PIGT: variants seen among roughly 807,000 people sequenced by gnomAD.
PIGT encodes the protein phosphatidylinositol glycan anchor biosynthesis class T, also known as GPI-anchor transamidase component PIGT.
A neutral mutation model predicts 66.7 loss-of-function variants in PIGT; 57 were observed. That is an observed-to-expected ratio of 0.86 (90% CI 0.69 to 1.07). The LOEUF (loss-of-function observed/expected upper bound fraction) is 1.07. Among genes scored for constraint, PIGT ranks in the 50% least tolerant of loss-of-function variants. The pLI is 0.00. For missense variants in PIGT, 725 were observed against 740.4 expected (o/e 0.98, Z 0.24); for synonymous variants, 362 against 320.5 (o/e 1.13, Z -1.38).
intron 3 of PIGT, 152 bp downstream of exon 3, chr20:45,419,131 C>A: frequency 1.8e-6 from 2 of 1,129,060 alleles, no homozygotes; most frequent in Non-Finnish European, 2.6e-6. Context: ...TCTCTGCATG[C>A]CTTTTCCCAA....
intron 8 of PIGT, 174 bp from the exon 9 acceptor site, chr20:45,421,209 C>G (rs1990341434): frequency 3.3e-6 from 2 of 612,054 alleles, no homozygotes; most frequent in Non-Finnish European, 2.9e-6. Flanking sequence ...GTCATCATCG[C>G]TTGTTGGCTG....
At chr20:45,422,396 C>A (rs6032172) in intron 9 of PIGT, 58,469 of 151,590 alleles carry the variant, frequency 0.39, 13,066 homozygotes, top group Non-Finnish European at 0.49. Context: ...AAATTTCAAA[C>A]CCAAACCCAA....
intron 9 of PIGT, chr20:45,423,982 A>G: frequency 1.8e-6 from 1 of 546,102 alleles, no homozygotes; most frequent in South Asian, 2.3e-5. Context: ...AAGATTGATT[A>G]GCCATCTGCA....
rs758913061 is a variant in PIGT, at chr20:45,421,573, G to A, written c.1224G>A (p.Glu408=). 6.2e-7 allele frequency: 1 copy of A among 1,614,074 alleles called. No homozygotes were observed. The highest frequency in any genetic ancestry group is 1.1e-5 in the South Asian group (1 of 91,084). ...HTLTITSKGK[E]NKPSYIHYQP... ...TCACCATCACCTCCAAGGGCAAGGA[G>A]AACAAACCAAGTGAGGACCTGAGTC... Residue 408 remains glutamate, a synonymous_variant, in exon 9 of 12, where the codon GAG becomes GAA. Transcript: ENST00000279036.
intron 1 of PIGT, 61 bp downstream of exon 1, chr20:45,416,404 T>C: frequency 6.4e-7 from 1 of 1,552,060 alleles, no homozygotes; most frequent in Non-Finnish European, 8.7e-7. Flanking sequence ...TGGCCGGCCG[T>C]GGGATGAAGG....
chr20:45,419,510 C>T lies in PIGT; in HGVS notation c.601C>T (p.Leu201Phe). Residue 201 changes from leucine (L) to phenylalanine (F), a missense_variant, in exon 5 of 12, where the codon CTC becomes TTC. By Grantham distance (22) the Leu-to-Phe change is conservative (BLOSUM62 0). Transcript: ENST00000279036. ...KLLPCSSKAG[L>F]SVLLKADRLF... ...CTCTTTCCATCTCCTCCAGGCAGGC[C>T]TCTCTGTGCTGCTGAAGGCAGATCG... The T allele has an allele frequency of 6.2e-7, 1 of 1,614,198 alleles. No individual in the cohort carries two copies. The highest frequency in any genetic ancestry group is 8.5e-7 in the Non-Finnish European group (1 of 1,180,002).
chr20:45,424,593 C>T lies in PIGT; in HGVS notation c.1484+14C>T. ...CTTCAACAGCCTGTAAGTGTGACCACACTCACTGATAACACATCCTCAGCT... is the reference window on the plus strand; with the variant it reads ...CTTCAACAGCCTGTAAGTGTGACCATACTCACTGATAACACATCCTCAGCT... On this transcript the variant is annotated intron_variant, in intron 11 of 11. Coordinates refer to ENST00000279036, the MANE Select transcript of PIGT (RefSeq NM_015937.6). The T allele has an allele frequency of 1.2e-6, 2 of 1,606,074 alleles. No homozygotes were observed. Among genetic ancestry groups the T allele is most frequent in the Non-Finnish European group, 1.7e-6 (2 of 1,172,644 alleles).
In PIGT at chr20:45,416,336, G is replaced by A; in HGVS notation, c.180G>A (p.Arg60=). ...FRTRWDSELQ[R]EGVSHYRLFP... ...CGCGCTGGGATTCGGAGCTTCAGCG[G>A]GAAGGAGGTGAGGGCGCGAGATCTG... The change falls in exon 1 of 12, where the codon CGG becomes CGA. Residue 60 remains arginine, a synonymous_variant. Coordinates refer to ENST00000279036, the MANE Select transcript of PIGT (RefSeq NM_015937.6). The A allele has an allele frequency of 1.9e-6, 3 of 1,586,366 alleles. No homozygotes were observed. The highest frequency in any genetic ancestry group is 1.1e-5 in the South Asian group (1 of 87,594).
intron 2 of PIGT, 71 bp downstream of exon 2, chr20:45,416,765 C>T (rs1455169166): frequency 1.9e-5 from 27 of 1,408,964 alleles, no homozygotes; most frequent in Admixed American, 4.2e-5. Context: ...GTCATCCTGC[C>T]ACTGCTCTTG....
At position 45,416,671 on chromosome 20, in the gene PIGT, C is replaced by T. The variant is rs759784562; in HGVS notation, c.342C>T (p.Val114=). ...CCCCATCAGGTGCAGAGCTGTGGGT[C>T]TGGTTCCAAGACACTGTCACTGAGT... ...LQAPSGAELW[V]WFQDTVTDVD... Residue 114 remains valine (V), a synonymous_variant, in exon 2 of 12, where the codon GTC becomes GTT. Coordinates refer to ENST00000279036, the MANE Select transcript of PIGT (RefSeq NM_015937.6). 1 of 1,613,626 alleles carries T rather than the reference C, an allele frequency of 6.2e-7. No homozygotes were observed. Among genetic ancestry groups the T allele is most frequent in the Non-Finnish European group, 8.5e-7 (1 of 1,179,936 alleles).
In PIGT at chr20:45,426,162, A is replaced by T; in HGVS notation, c.*336A>T. The T allele has an allele frequency of 2.7e-6, 1 of 375,834 alleles. No homozygotes were observed. The highest frequency in any genetic ancestry group is 4.9e-6 in the Non-Finnish European group (1 of 202,092). 23.3% of individuals were successfully genotyped at this position (375,834 alleles called of 1,614,324 possible). On this transcript the variant is annotated 3_prime_UTR_variant, in exon 12 of 12. Transcript: ENST00000279036. The stretch of plus-strand genomic sequence containing the variant: ...TCGGCTGGCAGCACTGGCCAAGGTG[A>T]TGGGGTGTGCTACACAGTGTATGTC...
At chr20:45,416,767 C>G in intron 2 of PIGT, 73 bp downstream of exon 2, 1 of 1,397,704 alleles carries the variant, frequency 7.2e-7, no homozygotes, top group Non-Finnish European at 9.7e-7. Flanking sequence ...CATCCTGCCA[C>G]TGCTCTTGGG....
At position 45,416,215 on chromosome 20, in the gene PIGT, G is replaced by A. The variant is rs749536561; in HGVS notation, c.59G>A (p.Trp20Ter). 1 of 1,595,116 alleles carries A rather than the reference G, an allele frequency of 6.3e-7. No individual in the cohort carries two copies. The highest frequency in any genetic ancestry group is 8.5e-7 in the Non-Finnish European group (1 of 1,171,688). Residue 20 changes from tryptophan to a stop codon, truncating the protein, a stop_gained, in exon 1 of 12, where the codon TGG becomes TAG. Coordinates refer to ENST00000279036, the MANE Select transcript of PIGT (RefSeq NM_015937.6). LOFTEE classifies it high-confidence loss of function. ...LVLLLLGPGG[W>*]CLAEPPRDSL... ...CTGTTGCTCCTGGGGCCCGGCGGCT[G>A]GTGCCTTGCAGAACCCCCACGCGAC...
At chr20:45,418,691 G>A (rs1247643303) in intron 2 of PIGT, 161 bp from the exon 3 acceptor site, 1 of 783,568 alleles carries the variant, frequency 1.3e-6, no homozygotes, top group Non-Finnish European at 2.1e-6. Flanking sequence ...CCCAGCAAGT[G>A]GGCTGGCTGG....
intron 1 of PIGT, 52 bp downstream of exon 1, chr20:45,416,395 G>A (rs750671820): frequency 6.5e-7 from 1 of 1,549,558 alleles, no homozygotes; most frequent in Non-Finnish European, 8.7e-7. Flanking sequence ...CCTGCTGGCT[G>A]GCCGGCCGTG....
chr20:45,419,573 A>G lies in PIGT; in HGVS notation c.664A>G (p.Ile222Val). 6.2e-7 allele frequency: 1 copy of G among 1,613,546 alleles called. No homozygotes were observed. Among genetic ancestry groups the G allele is most frequent in the Non-Finnish European group, 8.5e-7 (1 of 1,179,466 alleles). Residue 222 changes from isoleucine (I) to valine (V), a missense_variant, in exon 5 of 12, where the codon ATC becomes GTC. Coordinates refer to ENST00000279036, the MANE Select transcript of PIGT (RefSeq NM_015937.6). The stretch of plus-strand genomic sequence containing the variant: ...CAGCTACCACTCCCAGGCAGTGCAT[A>G]TCCGCCCTGTTTGCAGAGTAAGTCA... The part of the protein sequence containing the change: ...HTSYHSQAVH[I>V]RPVCRNARCT...
chr20:45,418,132 C>T (rs1177141437), intron 2 of PIGT: 1 of 152,742 alleles, frequency 6.5e-6, no homozygotes, highest in Non-Finnish European at 1.5e-5. Context: ...TTTATGAAAT[C>T]CTAGAACAGT....
At position 45,418,846 on chromosome 20, in the gene PIGT, A is replaced by G. The variant is rs201081759; in HGVS notation, c.366-6A>G. On this transcript the variant is annotated splice_polypyrimidine_tract_variant and splice_region_variant and intron_variant, in intron 2 of 11. Coordinates refer to ENST00000279036, the MANE Select transcript of PIGT (RefSeq NM_015937.6). ...GGACAGTGAGTGGATTTGTGTCTCTATCCAGTGTGGATAAATCTTGGAAGG... is the reference window on the plus strand; with the variant it reads ...GGACAGTGAGTGGATTTGTGTCTCTGTCCAGTGTGGATAAATCTTGGAAGG... The G allele has an allele frequency of 4.0e-5, 64 of 1,613,872 alleles. No homozygotes were observed. Among genetic ancestry groups the G allele is most frequent in the Non-Finnish European group, 5.3e-5 (63 of 1,179,826 alleles).
chr20:45,423,055 A>ATTTTTTTTTTTT (rs201759786), intron 9 of PIGT: 2 of 78,936 alleles, frequency 2.5e-5, no homozygotes, highest in Non-Finnish European at 4.4e-5. Flanking sequence ...TACAAAAAAA[A>ATTTTTTTTTTTT]TTTTTTTTTT....
Sources: allele counts gnomAD v4.1 joint callset, GRCh38; gene constraint gnomAD v4.1.1; transcripts MANE v1.5; gene names NCBI Gene and HGNC (gene_info 2026-07-23, HGNC 2026-07-21).